FHIT: variants seen among roughly 807,000 people sequenced by gnomAD.
The protein encoded by FHIT is bis(5'-adenosyl)-triphosphatase.
Under a neutral mutation model 17.9 loss-of-function variants are expected in FHIT, and 19 were observed. That is an observed-to-expected ratio of 1.06 (90% confidence interval 0.74 to 1.56). The LOEUF (loss-of-function observed/expected upper bound fraction) is 1.56. Ranked by LOEUF, FHIT falls within the 40% of genes most tolerant of loss-of-function variation. The probability of loss-of-function intolerance (pLI) is 0.00; values close to 1 mark genes in which losing one functional copy is unlikely to be tolerated. For missense variants in FHIT, 248 were observed against 189.2 expected, an observed-to-expected ratio of 1.31 and a Z score of -1.82; for synonymous variants, 81 against 69.7, an observed-to-expected ratio of 1.16 and a Z score of -0.81.
chr3:60,010,301 A>AC (rs1224364517), intron 7 of FHIT, among the ~76,000 whole-genome samples: 1 of 152,204 alleles, frequency 6.6e-6, no homozygotes, highest in Non-Finnish European at 1.5e-5. Flanking sequence ...CTATCACCAT[A>AC]CCCTGTGTGT....
At chr3:60,846,899 C>T (rs1174354592) in intron 3 of FHIT, among the ~76,000 whole-genome samples, 1 of 152,076 alleles carries the variant, frequency 6.6e-6, no homozygotes, top group Non-Finnish European at 1.5e-5. Flanking sequence ...TCTCAGCTCA[C>T]TGCAACCTCC....
intron 5 of FHIT, among the ~76,000 whole-genome samples, chr3:60,228,121 C>T (rs1307131532): frequency 6.6e-6 from 1 of 152,124 alleles, no homozygotes; most frequent in African/African-American, 2.4e-5. Context: ...AACAATAATA[C>T]AAGCTTTTAA....
chr3:59,846,114 T>C (rs1182037809), intron 8 of FHIT, among the ~76,000 whole-genome samples: 1 of 152,142 alleles, frequency 6.6e-6, no homozygotes, highest in Non-Finnish European at 1.5e-5. Context: ...AGAGGTTTGA[T>C]TCTGTCATTT....
intron 8 of FHIT, among the ~76,000 whole-genome samples, chr3:59,755,499 A>G (rs926354442): frequency 1.3e-5 from 2 of 152,222 alleles, no homozygotes; most frequent in African/African-American, 4.8e-5. Context: ...AGTTTATCCA[A>G]AAGGCAGTAT....
At chr3:60,270,017 T>TA (rs1464553272) in intron 5 of FHIT, among the ~76,000 whole-genome samples, 1 of 152,126 alleles carries the variant, frequency 6.6e-6, no homozygotes, top group Admixed American at 6.5e-5. Flanking sequence ...ACGCCAGAAC[T>TA]AACATGACCA....
At chr3:61,097,799 T>C (rs1003890595) in intron 2 of FHIT, among the ~76,000 whole-genome samples, 1 of 152,178 alleles carries the variant, frequency 6.6e-6, no homozygotes, top group African/African-American at 2.4e-5. Context: ...TTAATGGGGT[T>C]GTTTTTCTCT....
intron 3 of FHIT, among the ~76,000 whole-genome samples, chr3:60,858,096 C>T (rs1002052655): frequency 5.3e-5 from 8 of 152,170 alleles, no homozygotes; most frequent in African/African-American, 1.9e-4. Context: ...TTGGTCACTA[C>T]TCCAGCCCAG....
chr3:60,532,672 C>T (rs2035829280), intron 5 of FHIT, among the ~76,000 whole-genome samples: 1 of 152,200 alleles, frequency 6.6e-6, no homozygotes, highest in Admixed American at 6.5e-5. Flanking sequence ...AGGCTTTAAA[C>T]AGTGTTGGCA....
At chr3:60,369,512 G>A (rs944014074) in intron 5 of FHIT, among the ~76,000 whole-genome samples, 1 of 152,100 alleles carries the variant, frequency 6.6e-6, no homozygotes, top group African/African-American at 2.4e-5. Context: ...CAAGGTGTCT[G>A]GATTATCTTT....
At chr3:60,796,028 G>A (rs1700969452) in intron 4 of FHIT, among the ~76,000 whole-genome samples, 1 of 152,136 alleles carries the variant, frequency 6.6e-6, no homozygotes, top group African/African-American at 2.4e-5. Context: ...TTCTTACATG[G>A]TGGCAGCAAG....
At chr3:60,863,535 C>T (rs1704018323) in intron 3 of FHIT, among the ~76,000 whole-genome samples, 2 of 152,180 alleles carry the variant, frequency 1.3e-5, no homozygotes, top group African/African-American at 2.4e-5. Context: ...TATGCCTTAT[C>T]ACCTTATCAT....
intron 5 of FHIT, among the ~76,000 whole-genome samples, chr3:60,316,571 A>G (rs1220122475): frequency 6.6e-6 from 1 of 152,200 alleles, no homozygotes; most frequent in Non-Finnish European, 1.5e-5. Context: ...AATATCTGCC[A>G]GTTTCCTTGT....
At chr3:59,986,731 A>AATATATAAATAT (rs1177602281) in intron 7 of FHIT, among the ~76,000 whole-genome samples, 2 of 6,096 alleles carry the variant, frequency 3.3e-4, no homozygotes, top group African/African-American at 7.1e-4. Flanking sequence ...TATTTATATA[A>AATATATAAATAT]ATATATACAT....
intron 5 of FHIT, among the ~76,000 whole-genome samples, chr3:60,062,169 C>T (rs76512981): frequency 6.6e-6 from 1 of 152,058 alleles, no homozygotes; most frequent in Non-Finnish European, 1.5e-5. Context: ...AATCAATAAG[C>T]ATTGATTGAG....
chr3:60,969,848 T>C (rs530579021), intron 3 of FHIT, among the ~76,000 whole-genome samples: 1 of 152,190 alleles, frequency 6.6e-6, no homozygotes, highest in Non-Finnish European at 1.5e-5. Context: ...TTGAATCTTC[T>C]ATATGTTTAC....
chr3:61,223,716 G>A (rs1252875611), intron 1 of FHIT, among the ~76,000 whole-genome samples: 1 of 152,106 alleles, frequency 6.6e-6, no homozygotes, highest in Non-Finnish European at 1.5e-5. Flanking sequence ...CTCGAGTGAG[G>A]GGCATTGTCA....
At chr3:60,869,386 G>A (rs1316779750) in intron 3 of FHIT, among the ~76,000 whole-genome samples, 3 of 152,090 alleles carry the variant, frequency 2.0e-5, no homozygotes, top group African/African-American at 7.2e-5. Flanking sequence ...GTTCCCCCCA[G>A]TGCCGGGAAC....
At chr3:59,992,967 A>C (rs771083445) in intron 7 of FHIT, among the ~76,000 whole-genome samples, 1 of 152,060 alleles carries the variant, frequency 6.6e-6, no homozygotes, top group African/African-American at 2.4e-5. Context: ...TAGTTATTCT[A>C]CCCGTAAGAA....
Position 59,844,237 on chromosome 3 carries a change from C to A in FHIT, c.348+78109G>T, listed in dbSNP as rs529610675. ...CAATGGAAGAATAGCCTAATACAAT[C>A]TGCAAACAGATATAATTTAATTTCT... On this transcript the variant is annotated intron_variant, in intron 8 of 9. Coordinates refer to ENST00000492590, the MANE Select transcript of FHIT (RefSeq NM_002012.4). Among the ~76,000 whole-genome samples, 192 of 152,258 alleles carry A rather than the reference C, an allele frequency of 1.3e-3. 2 individuals carry two copies. Among genetic ancestry groups the A allele is most frequent in the Non-Finnish European group, 2.4e-3 (165 of 68,006 alleles).
Sources: allele counts gnomAD v4.1 joint callset (sites outside exome capture counted in the v4.1 genomes callset), GRCh38; gene constraint gnomAD v4.1.1; transcripts MANE v1.5; gene names NCBI Gene and HGNC (gene_info 2026-07-23, HGNC 2026-07-21).